WDR59: variants seen among roughly 807,000 people sequenced by gnomAD.
WDR59 encodes WD repeat domain 59, also known as GATOR2 complex protein WDR59.
A neutral mutation model predicts 131.2 loss-of-function variants in WDR59; 100 were observed. The observed-to-expected ratio is 0.76, with a 90% confidence interval of 0.65 to 0.90. The LOEUF is 0.90. WDR59 is among the 40% of genes least tolerant of loss of function. The probability of loss-of-function intolerance (pLI) is 0.00; values close to 1 mark genes in which losing one functional copy is unlikely to be tolerated. For synonymous variants in WDR59, 601 were observed against 466.2 expected (o/e 1.29, Z -3.72); for missense variants, 1,203 against 1,262.2 (o/e 0.95, Z 0.71).
intron 1 of WDR59, chr16:74,979,231 A>G (rs1290869728): frequency 6.6e-6 from 1 of 152,146 alleles, no homozygotes; most frequent in Non-Finnish European, 1.5e-5. Context: ...TTGGGAGGCC[A>G]AGGCGGGCAG....
intron 20 of WDR59, among the ~76,000 whole-genome samples, chr16:74,890,459 CTT>C (rs1964983434): frequency 6.6e-6 from 1 of 152,042 alleles, no homozygotes; most frequent in Non-Finnish European, 1.5e-5. Flanking sequence ...CCTCACATGA[CTT>C]TTTAAAATGC....
chr16:74,956,526 T>C lies in WDR59; in HGVS notation c.189A>G (p.Gly63=). ...KISRQSKWDI[G]AVQWNPHDSF... ...TGTCATGAGGATTCCACTGCACAGC[T>C]CCAATGTCCCATTTGCTCTGGCGAG... Residue 63 remains glycine, a synonymous_variant, in exon 3 of 26, where the codon GGA becomes GGG. Transcript: ENST00000262144. 3.7e-6 allele frequency: 6 copies of C among 1,614,030 alleles called. No individual in the cohort carries two copies. The highest frequency in any genetic ancestry group is 4.2e-6 in the Non-Finnish European group (5 of 1,180,020).
intron 18 of WDR59, among the ~76,000 whole-genome samples, chr16:74,900,494 G>A (rs1207932523): frequency 1.3e-5 from 2 of 152,162 alleles, no homozygotes; most frequent in Admixed American, 1.3e-4. Flanking sequence ...AAGCAAGAGT[G>A]GGAGGTTGCA....
chr16:74,947,123 T>C (rs1427219867), intron 6 of WDR59, among the ~76,000 whole-genome samples: 1 of 152,202 alleles, frequency 6.6e-6, no homozygotes, highest in Non-Finnish European at 1.5e-5. Context: ...TAGATCAGAA[T>C]GTAACTACAA....
At chr16:74,949,490 T>C (rs1253316469) in intron 5 of WDR59, among the ~76,000 whole-genome samples, 1 of 151,694 alleles carries the variant, frequency 6.6e-6, no homozygotes, top group South Asian at 2.1e-4. Context: ...AGACTCTAAC[T>C]AGGGAAGAGT....
At chr16:74,882,913 G>A (rs1250544329) in intron 25 of WDR59, among the ~76,000 whole-genome samples, 1 of 149,782 alleles carries the variant, frequency 6.7e-6, no homozygotes, top group East Asian at 1.9e-4. Flanking sequence ...ATCATTCTAT[G>A]CATCTTATTA....
intron 20 of WDR59, among the ~76,000 whole-genome samples, chr16:74,891,140 A>C (rs1965024889): frequency 6.6e-6 from 1 of 151,422 alleles, no homozygotes; most frequent in African/African-American, 2.4e-5. Context: ...AAAATCAAAT[A>C]CTATTTTCTG....
chr16:74,984,843 C>T, intron 1 of WDR59, 121 bp downstream of exon 1: 1 of 1,426,884 alleles, frequency 7.0e-7, no homozygotes, highest in South Asian at 1.3e-5. Flanking sequence ...TAAGCCCCGC[C>T]CACCTCCTCA....
intron 1 of WDR59, among the ~76,000 whole-genome samples, chr16:74,983,866 C>G (rs190487090): frequency 4.7e-4 from 65 of 138,442 alleles, no homozygotes; most frequent in Admixed American, 4.3e-3. Flanking sequence ...GTAGTCTCAG[C>G]TACTGGGGAG....
In WDR59 at chr16:74,951,558, A is replaced by C. The variant is rs1394453229; in HGVS notation, c.241-15T>G. 6.3e-7 allele frequency: 1 copy of C among 1,575,396 alleles called. No individual in the cohort carries two copies. The highest frequency in any genetic ancestry group is 1.2e-5 in the South Asian group (1 of 85,788). ...CGTTGGTTACTCTGAAAAGAAAGGAAAGAAGGCCACAGGCAAGTATGTTGG... is the reference window on the plus strand; with the variant it reads ...CGTTGGTTACTCTGAAAAGAAAGGACAGAAGGCCACAGGCAAGTATGTTGG... On this transcript the variant is annotated splice_polypyrimidine_tract_variant and intron_variant, in intron 3 of 25. Transcript: ENST00000262144.
chr16:74,913,572 T>C (rs1353119933), intron 13 of WDR59, among the ~76,000 whole-genome samples: 3 of 152,112 alleles, frequency 2.0e-5, no homozygotes, highest in Admixed American at 6.5e-5. Context: ...ATTACAGGCA[T>C]GAGCCACCAC....
At chr16:74,984,876 G>C (rs978707645) in intron 1 of WDR59, 88 bp downstream of exon 1, 14 of 1,540,824 alleles carry the variant, frequency 9.1e-6, no homozygotes, top group Non-Finnish European at 1.2e-5. Flanking sequence ...GGGTCTCCCC[G>C]TAGCCCCCCG....
intron 6 of WDR59, among the ~76,000 whole-genome samples, chr16:74,947,024 C>T (rs2032688164): frequency 6.6e-6 from 1 of 152,214 alleles, no homozygotes; most frequent in African/African-American, 2.4e-5. Context: ...ATTCCACATT[C>T]TACTCTCAGG....
chr16:74,964,089 TA>T (rs2033669355), intron 2 of WDR59, among the ~76,000 whole-genome samples: 1 of 151,620 alleles, frequency 6.6e-6, no homozygotes, highest in Admixed American at 6.6e-5. Context: ...TGAAAAATAG[TA>T]AAAATGTGTG....
chr16:74,959,511 C>T, intron 2 of WDR59: 2 of 452,264 alleles, frequency 4.4e-6, no homozygotes, highest in South Asian at 3.1e-5. Context: ...CACACTGGAA[C>T]TCTTAGTGCT....
rs61734438 is a variant in WDR59, at chr16:74,908,934, C to T, written c.1686G>A (p.Ala562=). The stretch of plus-strand genomic sequence containing the variant: ...TCGGAGTAGGCTCTGTGGGAGACAC[C>T]GCCCGATGCATTGTCATGGGCCTTG... ...YFTRPMTMHR[A]VSPTEPTPRS... The change falls in exon 17 of 26, where the codon GCG becomes GCA. Residue 562 remains alanine, a synonymous_variant. Coordinates refer to ENST00000262144, the MANE Select transcript of WDR59 (RefSeq NM_030581.4). 13,280 of 1,613,982 alleles carry T rather than the reference C, an allele frequency of 8.2e-3. 780 individuals are homozygous for T. The African/African-American group carries it at 0.14, about 17-fold the overall frequency.
intron 1 of WDR59, among the ~76,000 whole-genome samples, chr16:74,981,658 A>ATTTTTTTT (rs2034430352): frequency 2.6e-5 from 2 of 75,522 alleles, no homozygotes; most frequent in African/African-American, 1.6e-4. Flanking sequence ...ATATATATAT[A>ATTTTTTTT]TATTTTTTTT....
rs561417817 is a variant in WDR59, at chr16:74,926,457, A to G, written c.652-2454T>C. 7.9e-5 allele frequency among the ~76,000 whole-genome samples: 12 copies of G among 152,352 alleles called. No individual in the cohort carries two copies. The South Asian group carries it at 2.5e-3, about 32-fold the overall frequency. ...GGTTGAAAATTTCCCCAAAGTGAGG[A>G]TGGCCAACAAGCCACAGATGTAAGA... On this transcript the variant is annotated intron_variant, in intron 8 of 25. Coordinates refer to ENST00000262144, the MANE Select transcript of WDR59 (RefSeq NM_030581.4).
intron 8 of WDR59, among the ~76,000 whole-genome samples, chr16:74,926,874 T>C (rs901815536): frequency 2.6e-5 from 4 of 152,172 alleles, no homozygotes; most frequent in African/African-American, 7.2e-5. Flanking sequence ...AAAATGAGGA[T>C]ATCCCAAGGA....
Sources: gnomAD v4.1 joint callset for allele counts (sites outside exome capture counted in the v4.1 genomes callset) on GRCh38, gnomAD v4.1.1 for gene constraint, MANE v1.5 for transcripts, NCBI Gene and HGNC (gene_info 2026-07-23, HGNC 2026-07-21) for gene names.